BMAL1: variants seen among roughly 807,000 people sequenced by gnomAD.
The protein encoded by BMAL1 is basic helix-loop-helix ARNT like 1.
At chr11:13,290,347 C>T in the BMAL1 span, among the ~76,000 whole-genome samples, 2 of 152,106 alleles carry the variant, frequency 1.3e-5, no homozygotes, top group Non-Finnish European at 2.9e-5. Context: ...CAGCTGTGAA[C>T]CAGAAAAACA....
the BMAL1 span, among the ~76,000 whole-genome samples, chr11:13,284,180 GTATATATATATATGTGTGTATATATATA>G: frequency 1.4e-4 from 3 of 21,140 alleles, no homozygotes; most frequent in African/African-American, 4.6e-4. Flanking sequence ...ATATATATGT[GTATATATATATATGTGTGTATATATATA>G]TGTGTATATA....
At chr11:13,295,976 G>T in the BMAL1 span, among the ~76,000 whole-genome samples, 13 of 152,252 alleles carry the variant, frequency 8.5e-5, no homozygotes, top group African/African-American at 3.1e-4. Context: ...TTGCCTTGGT[G>T]TTAGCCTTTC....
the BMAL1 span, among the ~76,000 whole-genome samples, chr11:13,360,108 A>G: frequency 6.6e-6 from 1 of 152,188 alleles, no homozygotes; most frequent in Non-Finnish European, 1.5e-5. Flanking sequence ...AATGAGAAAA[A>G]CAGGCTTGTT....
chr11:13,309,488 A>C, the BMAL1 span, among the ~76,000 whole-genome samples: 1 of 152,140 alleles, frequency 6.6e-6, no homozygotes, highest in Admixed American at 6.5e-5. Flanking sequence ...TTGCCTATTA[A>C]AAGCAGTGGG....
At chr11:13,374,276 G>T in the BMAL1 span, 2 of 1,366,272 alleles carry the variant, frequency 1.5e-6, no homozygotes, top group South Asian at 1.2e-5. Context: ...TGACCTTCCA[G>T]GGAAATCTGT....
chr11:13,359,221 T>A, the BMAL1 span, among the ~76,000 whole-genome samples: 3 of 152,304 alleles, frequency 2.0e-5, no homozygotes, highest in South Asian at 6.2e-4. Context: ...AAGAGAAATC[T>A]GAAATATATC....
chr11:13,287,523 T>C, the BMAL1 span, among the ~76,000 whole-genome samples: 2 of 152,380 alleles, frequency 1.3e-5, no homozygotes, highest in African/African-American at 4.8e-5. Flanking sequence ...GAAAAGTCTC[T>C]CAATAAATAC....
At chr11:13,329,098 C>T in the BMAL1 span, among the ~76,000 whole-genome samples, 2 of 152,170 alleles carry the variant, frequency 1.3e-5, no homozygotes, top group Admixed American at 1.3e-4. Flanking sequence ...GGTCTCCGCT[C>T]TCATGGTGCT....
chr11:13,290,031 C>T, the BMAL1 span, among the ~76,000 whole-genome samples: 1 of 152,230 alleles, frequency 6.6e-6, no homozygotes, highest in African/African-American at 2.4e-5. Flanking sequence ...TCTCCACATC[C>T]TCTCCAGCAT....
the BMAL1 span, among the ~76,000 whole-genome samples, chr11:13,329,092 T>C: frequency 6.6e-6 from 1 of 152,204 alleles, no homozygotes; most frequent in Admixed American, 6.5e-5. Context: ...AGAGAGGGTC[T>C]CCGCTCTCAT....
chr11:13,307,539 G>A, the BMAL1 span, among the ~76,000 whole-genome samples: 2 of 152,202 alleles, frequency 1.3e-5, no homozygotes, highest in Non-Finnish European at 2.9e-5. Flanking sequence ...TCTTATGGAG[G>A]ATTCCCCACT....
the BMAL1 span, among the ~76,000 whole-genome samples, chr11:13,329,780 C>T: frequency 8.5e-5 from 13 of 152,130 alleles, no homozygotes; most frequent in South Asian, 4.2e-4. Flanking sequence ...TCTTGGGGTA[C>T]GGTACGGATT....
chr11:13,385,928 T>C, the BMAL1 span: 1 of 711,438 alleles, frequency 1.4e-6, no homozygotes, highest in East Asian at 2.8e-5. Context: ...AGTTTAAAAT[T>C]TGTTTAAATC....
At chr11:13,355,121 C>A in the BMAL1 span, 1 of 985,216 alleles carries the variant, frequency 1.0e-6, no homozygotes. Context: ...GAAGCACCTG[C>A]GTGGAATCTT....
chr11:13,278,903 CGTCGA>C, the BMAL1 span, among the ~76,000 whole-genome samples: 1 of 152,198 alleles, frequency 6.6e-6, no homozygotes. Flanking sequence ...TAGAGGTGAA[CGTCGA>C]CCTTGTGGGG....
chr11:13,363,105 AAAAG>A, the BMAL1 span, among the ~76,000 whole-genome samples: 4 of 139,354 alleles, frequency 2.9e-5, no homozygotes, highest in African/African-American at 1.0e-4. Context: ...TATTTTAAGA[AAAAG>A]AATCTATGTC....
the BMAL1 span, among the ~76,000 whole-genome samples, chr11:13,336,388 T>C: frequency 1.5e-4 from 23 of 152,306 alleles, no homozygotes; most frequent in Admixed American, 3.3e-4. Flanking sequence ...TTGTTTTGAT[T>C]GTTTTGTGGC....
the BMAL1 span, among the ~76,000 whole-genome samples, chr11:13,289,814 G>C: frequency 2.6e-5 from 4 of 152,182 alleles, no homozygotes; most frequent in African/African-American, 9.7e-5. Flanking sequence ...CCAAGTCTTT[G>C]CTATTGTGAA....
the BMAL1 span, chr11:13,365,420 A>G: frequency 7.7e-7 from 1 of 1,296,274 alleles, no homozygotes; most frequent in Non-Finnish European, 1.1e-6. Flanking sequence ...TAGAAAGCAC[A>G]TCCTCTATTT....
Sources: allele counts gnomAD v4.1 joint callset (sites outside exome capture counted in the v4.1 genomes callset), GRCh38; gene constraint gnomAD v4.1.1; transcripts MANE v1.5; gene names NCBI Gene and HGNC (gene_info 2026-07-23, HGNC 2026-07-21).